GRM4: variants seen among roughly 807,000 people sequenced by gnomAD.
The protein encoded by GRM4 is glutamate metabotropic receptor 4, also known as metabotropic glutamate receptor 4.
A neutral mutation model predicts 81.7 loss-of-function variants in GRM4; 28 were observed. That is an observed-to-expected ratio of 0.34 (90% confidence interval 0.25 to 0.47). The LOEUF is 0.47. Ranked by LOEUF, GRM4 falls within the 20% of genes least tolerant of loss-of-function variation. The pLI is 1.00. For missense variants in GRM4, 948 were observed against 1,290.0 expected, an observed-to-expected ratio of 0.73 and a Z score of 4.06; for synonymous variants, 488 against 528.8, an observed-to-expected ratio of 0.92 and a Z score of 1.06.
In GRM4 at chr6:34,129,912, C is replaced by T. The variant is rs113509884; in HGVS notation, c.519+3066G>A. ...CAGGGCTCCCCTCTGAGCCAAGCAC[C>T]GGAAGTCCACCTCTTGCAGGAAGGA... On this transcript the variant is annotated intron_variant, in intron 2 of 10. Coordinates refer to ENST00000538487, the MANE Select transcript of GRM4 (RefSeq NM_000841.4). Among the ~76,000 whole-genome samples, 507 of 152,286 alleles carry T rather than the reference C, an allele frequency of 3.3e-3. 2 individuals are homozygous for T. Among genetic ancestry groups the T allele is most frequent in the Middle Eastern group, 0.01 (3 of 294 alleles).
At chr6:34,087,435 AG>A (rs1762486040) in intron 3 of GRM4, among the ~76,000 whole-genome samples, 1 of 149,916 alleles carries the variant, frequency 6.7e-6, no homozygotes, top group African/African-American at 2.4e-5. Flanking sequence ...AAAAAAAAAA[AG>A]CCTGCCACAT....
upstream of GRM4, among the ~76,000 whole-genome samples, chr6:34,146,912 C>T (rs1474532266): frequency 6.6e-6 from 1 of 152,212 alleles, no homozygotes; most frequent in African/African-American, 2.4e-5. Context: ...CCCTCCTTGC[C>T]CTTTTCCATG....
rs59527517 is a variant in GRM4 at position 34,069,209 on chromosome 6, C to CACACACACACACACACAT, written c.737-7182_737-7181insATGTGTGTGTGTGTGTGT. 6.6e-6 allele frequency among the ~76,000 whole-genome samples: 1 copy of CACACACACACACACACAT among 151,462 alleles called. No homozygotes were observed. Among genetic ancestry groups the CACACACACACACACACAT allele is most frequent in the African/African-American group, 2.4e-5 (1 of 40,952 alleles). ...ACACACACACACACACACACACGCACGCACACACGGCTCCTTCCTTCTGAC... is the reference window on the plus strand; with the variant it reads ...ACACACACACACACACACACACGCACACACACACACACACACATGCACACACGGCTCCTTCCTTCTGAC... On this transcript the variant is annotated intron_variant, in intron 3 of 10. Coordinates refer to ENST00000538487, the MANE Select transcript of GRM4 (RefSeq NM_000841.4). The surrounding 1 kb of genome is among the most constrained non-coding windows in gnomAD (Gnocchi z 6.4).
chr6:34,117,725 T>C (rs1342869553), intron 2 of GRM4, among the ~76,000 whole-genome samples: 1 of 152,086 alleles, frequency 6.6e-6, no homozygotes, highest in Non-Finnish European at 1.5e-5. Flanking sequence ...CATGGGGAGC[T>C]CACCTGAGCA....
intron 2 of GRM4, among the ~76,000 whole-genome samples, chr6:34,096,503 G>A (rs1741513902): frequency 6.6e-6 from 1 of 152,206 alleles, no homozygotes; most frequent in South Asian, 2.1e-4. Flanking sequence ...AATTCAACAG[G>A]CCCTCCAAGC....
At position 34,022,229 on chromosome 6, in the gene GRM4, G is replaced by A. The variant is rs965996901; in HGVS notation, c.*592C>T. On this transcript the variant is annotated 3_prime_UTR_variant, in exon 11 of 11. Transcript: ENST00000538487. The surrounding 1 kb of genome is among the most constrained non-coding windows in gnomAD (Gnocchi z 5.6). The stretch of plus-strand genomic sequence containing the variant: ...GAACTGGGGAAGGGTGGCAGGGAGA[G>A]GGGAGCAATGGCTGGACGAGAATGA... 1 of 154,422 alleles carries A rather than the reference G, an allele frequency of 6.5e-6. No individual in the cohort carries two copies. Among genetic ancestry groups the A allele is most frequent in the Non-Finnish European group, 1.4e-5 (1 of 69,294 alleles). 9.6% of individuals were successfully genotyped at this position (154,422 alleles called of 1,614,324 possible).
At chr6:34,145,875 C>T in intron 1 of GRM4, 125 bp downstream of exon 1, 2 of 483,502 alleles carry the variant, frequency 4.1e-6, no homozygotes, top group Non-Finnish European at 5.4e-6. Context: ...CCAGGGCTCT[C>T]GCGGCGCTCC....
At chr6:34,055,853 GC>G (rs1765845666) in intron 6 of GRM4, 1 of 152,192 alleles carries the variant, frequency 6.6e-6, no homozygotes, top group Admixed American at 6.5e-5. Flanking sequence ...CCCGATCACT[GC>G]CCCTCCCCTG....
intron 6 of GRM4, among the ~76,000 whole-genome samples, chr6:34,044,977 C>T (rs1359941381): frequency 6.6e-6 from 1 of 151,824 alleles, no homozygotes; most frequent in African/African-American, 2.4e-5. Flanking sequence ...CATACACGCA[C>T]ACACAGATAC....
intron 2 of GRM4, among the ~76,000 whole-genome samples, chr6:34,125,660 C>T (rs1224756549): frequency 1.4e-4 from 22 of 152,232 alleles, no homozygotes; most frequent in Admixed American, 1.2e-3. Flanking sequence ...CCAGTAGCCA[C>T]GGGGGCTCTG....
At position 34,082,054 on chromosome 6, in the gene GRM4, A is replaced by G. The variant is rs71542486; in HGVS notation, c.736+9829T>C. On this transcript the variant is annotated intron_variant, in intron 3 of 10. Transcript: ENST00000538487. ...AGCCTGCGGGACAGATCCCTGTCCA[A>G]TGGGAGCCTGCGGGACAGATCCCTG... Among the ~76,000 whole-genome samples the G allele has an allele frequency of 1.3e-4, 15 of 116,848 alleles. 1 individual carries two copies. Among genetic ancestry groups the G allele is most frequent in the Admixed American group, 5.6e-4 (7 of 12,450 alleles). The allele number at this position is 116,848 out of a possible 152,430, so 76.7% of individuals were successfully genotyped here. A position where few individuals can be genotyped will look rare whatever the true frequency, so the allele number is the denominator to read the frequency against.
At chr6:34,028,471 G>A (rs1382455519) in intron 9 of GRM4, 105 bp from the exon 10 acceptor site, 2 of 1,294,466 alleles carry the variant, frequency 1.5e-6, no homozygotes, top group Admixed American at 2.2e-5. Flanking sequence ...GCTGCCTTCA[G>A]GCAGAAGGAA....
intron 2 of GRM4, among the ~76,000 whole-genome samples, chr6:34,098,882 G>A (rs1031521841): frequency 9.2e-5 from 14 of 152,180 alleles, no homozygotes; most frequent in Non-Finnish European, 1.8e-4. Context: ...GGTGGGGGCT[G>A]GGAGGGGGTG....
In GRM4 at chr6:34,133,245, G is replaced by A. The variant is rs763571105; in HGVS notation, c.252C>T (p.Phe84=). 2.4e-5 allele frequency: 38 copies of A among 1,614,074 alleles called. No individual in the cohort carries two copies. Among genetic ancestry groups the A allele is most frequent in the Non-Finnish European group, 2.8e-5 (33 of 1,180,028 alleles). ...GGTCGTTGTTGATGCGATCCAGGGCGAACAGCATGGCCTCCAGCCGGTGGA... is the reference window on the plus strand; with the variant it reads ...GGTCGTTGTTGATGCGATCCAGGGCAAACAGCATGGCCTCCAGCCGGTGGA... ...KGIHRLEAML[F]ALDRINNDPD... is the part of the protein sequence containing the mutation. Residue 84 remains phenylalanine, a synonymous_variant, in exon 2 of 11, where the codon TTC becomes TTT. Transcript: ENST00000538487. The surrounding 1 kb of genome is among the most constrained non-coding windows in gnomAD (Gnocchi z 6.5).
At chr6:34,135,440 CATA>C (rs1347450956) in intron 1 of GRM4, among the ~76,000 whole-genome samples, 1 of 152,244 alleles carries the variant, frequency 6.6e-6, no homozygotes, top group African/African-American at 2.4e-5. Flanking sequence ...AGAGGTATCA[CATA>C]ATTCTCCCAA....
intron 10 of GRM4, among the ~76,000 whole-genome samples, chr6:34,025,084 A>T: frequency 6.6e-6 from 1 of 151,620 alleles, no homozygotes; most frequent in Non-Finnish European, 1.5e-5. Context: ...GAGGCCTCAC[A>T]CTCTCTCTGA....
In GRM4 at chr6:34,040,538, A is replaced by C. The variant is rs201032705; in HGVS notation, c.1369+10T>G. The C allele has an allele frequency of 2.2e-5, 35 of 1,609,406 alleles. No individual in the cohort carries two copies. The highest frequency in any genetic ancestry group is 4.5e-5 in the East Asian group (2 of 44,566). ...CCCAGGGTCAGGCACAGTCCGCACC[A>C]CACCCCCACCTGAGAAGTTGACGTT... On this transcript the variant is annotated intron_variant, in intron 7 of 10. Transcript: ENST00000538487.
intron 3 of GRM4, among the ~76,000 whole-genome samples, chr6:34,081,150 A>G (rs920583563): frequency 6.6e-6 from 1 of 152,192 alleles, no homozygotes; most frequent in African/African-American, 2.4e-5. Context: ...AGCAAGGGCC[A>G]GTTTCGGAGT....
At position 34,022,490 on chromosome 6, in the gene GRM4, G is replaced by A. The variant is rs1763925443; in HGVS notation, c.*331C>T. The A allele has an allele frequency of 7.9e-6, 3 of 379,696 alleles. No individual in the cohort carries two copies. The highest frequency in any genetic ancestry group is 1.5e-5 in the Non-Finnish European group (3 of 206,480). The allele number at this position is 379,696 out of a possible 1,614,324, so 23.5% of individuals were successfully genotyped here. On this transcript the variant is annotated 3_prime_UTR_variant, in exon 11 of 11. Transcript: ENST00000538487. This position sits in a 1 kb window ranked among gnomAD's most constrained non-coding sequence, Gnocchi z 5.6. ...GAGACAGACAGAGGGGTCGCCAACA[G>A]CACAGACAGAGACGAAGGGAGGGAG...
Sources: gnomAD v4.1 joint callset for allele counts (sites outside exome capture counted in the v4.1 genomes callset) on GRCh38, gnomAD v4.1.1 for gene constraint, Gnocchi (gnomAD v3.1) non-coding constraint, MANE v1.5 for transcripts, NCBI Gene and HGNC (gene_info 2026-07-23, HGNC 2026-07-21) for gene names.